Variants in EDNRB observed in about 807,000 individuals in gnomAD.
EDNRB encodes endothelin receptor type B, also known as Hirschsprung disease 2.
Under a neutral mutation model 46.4 loss-of-function variants are expected in EDNRB, and 18 were observed. That is an observed-to-expected ratio of 0.39 (90% CI 0.27 to 0.57). The LOEUF is 0.57. Ranked by LOEUF, EDNRB falls within the 20% of genes least tolerant of loss-of-function variation. EDNRB has a pLI of 0.61. For missense variants in EDNRB, 434 were observed against 537.5 expected (o/e 0.81, Z 1.90); for synonymous variants, 213 against 204.9 (o/e 1.04, Z -0.34).
At chr13:77,972,758 A>G (rs899121203) in intron 1 of EDNRB, among the ~76,000 whole-genome samples, 1 of 152,244 alleles carries the variant, frequency 6.6e-6, no homozygotes, top group Non-Finnish European at 1.5e-5. Context: ...ATGGTCCGCA[A>G]TAGAATGAGG....
chr13:77,904,374 T>C (rs563928269), intron 1 of EDNRB, among the ~76,000 whole-genome samples: 1 of 152,118 alleles, frequency 6.6e-6, no homozygotes. Context: ...TCCTGTGGCA[T>C]AACACATTAA....
intron 1 of EDNRB, among the ~76,000 whole-genome samples, chr13:77,917,888 T>C (rs1879888279): frequency 6.6e-6 from 1 of 152,196 alleles, no homozygotes; most frequent in Non-Finnish European, 1.5e-5. Flanking sequence ...AAGACCTGAA[T>C]GGAATTTTAT....
rs185147340 is a variant in EDNRB, at chr13:77,973,424, A to G, written c.-52+1923T>C. 1.5e-4 allele frequency among the ~76,000 whole-genome samples: 23 copies of G among 152,228 alleles called. No homozygotes were observed. In the East Asian group the frequency reaches 4.2e-3, roughly 28 times the overall value. On this transcript the variant is annotated intron_variant, in intron 1 of 7. Transcript: ENST00000646948. The stretch of plus-strand genomic sequence containing the variant: ...TTTTTAACATTTTATAATTTTTGCT[A>G]AAGAGCAGGTTGGTACTTCAAGAAA...
chr13:77,909,271 T>G (rs1009290020), intron 1 of EDNRB, among the ~76,000 whole-genome samples: 1 of 152,036 alleles, frequency 6.6e-6, no homozygotes, highest in Non-Finnish European at 1.5e-5. Context: ...ATAAAGTCAT[T>G]TTGATATTAT....
chr13:77,929,164 A>G (rs1342262980), intron 1 of EDNRB, among the ~76,000 whole-genome samples: 1 of 152,204 alleles, frequency 6.6e-6, no homozygotes, highest in Non-Finnish European at 1.5e-5. Context: ...AAAGGTCTCA[A>G]TTGTGTGACA....
chr13:77,945,197 T>A (rs117204143), intron 1 of EDNRB, among the ~76,000 whole-genome samples: 2,209 of 152,314 alleles, frequency 0.015, 46 homozygotes, highest in East Asian at 0.024. Flanking sequence ...GTTTTGGTAC[T>A]GCTGATTTTA....
upstream of EDNRB, among the ~76,000 whole-genome samples, chr13:77,920,436 C>T (rs1880047799): frequency 6.6e-6 from 1 of 152,176 alleles, no homozygotes; most frequent in South Asian, 2.1e-4. Flanking sequence ...CCTACTGGAT[C>T]TGTGGAACTT....
At chr13:77,974,586 C>T (rs527645246) in intron 1 of EDNRB, among the ~76,000 whole-genome samples, 6 of 145,702 alleles carry the variant, frequency 4.1e-5, no homozygotes, top group East Asian at 4.0e-4. Flanking sequence ...CTCTGTCTTT[C>T]TCTTCTCTGT....
At position 77,918,396 on chromosome 13, in the gene EDNRB, C is replaced by T. The variant is rs142569954; in HGVS notation, c.178G>A (p.Ala60Thr). Residue 60 changes from alanine to threonine, a missense_variant, in exon 1 of 7, where the codon GCC (alanine) becomes ACC (threonine). Physicochemically the swap from Ala to Thr is moderately conservative, Grantham distance 58. Coordinates refer to ENST00000646607, the MANE Select transcript of EDNRB (RefSeq NM_001122659.3). The surrounding 1 kb of genome is among the most constrained non-coding windows in gnomAD (Gnocchi z 4.5). ...GGTGCCAACGACCGCGCCAGACTGGCGTTGGAACCCTTGGGCCATAAGGTC... is the reference window on the plus strand; with the variant it reads ...GGTGCCAACGACCGCGCCAGACTGGTGTTGGAACCCTTGGGCCATAAGGTC... ...TKTLWPKGSN[A>T]SLARSLAPAE... is the part of the protein sequence containing the mutation. 41 of 1,600,666 alleles carry T rather than the reference C, an allele frequency of 2.6e-5. No homozygotes were observed. The highest frequency in any genetic ancestry group is 2.1e-4 in the African/African-American group (16 of 74,488).
chr13:77,929,788 T>C (rs1594380543), intron 1 of EDNRB, among the ~76,000 whole-genome samples: 1 of 152,208 alleles, frequency 6.6e-6, no homozygotes, highest in East Asian at 1.9e-4. Flanking sequence ...AGAAGCCTTA[T>C]GCAAATCATT....
In EDNRB at chr13:77,931,744, C is replaced by CAAAAAAAAAA. The variant is rs67176737; in HGVS notation, c.-51-13130_-51-13121dup. 9.6e-4 allele frequency among the ~76,000 whole-genome samples: 80 copies of CAAAAAAAAAA among 83,360 alleles called. 1 individual carries two copies. Among genetic ancestry groups the CAAAAAAAAAA allele is most frequent in the African/African-American group, 1.2e-3 (26 of 21,130 alleles). The allele number at this position is 83,360 out of a possible 152,430, so 54.7% of individuals were successfully genotyped here. On this transcript the variant is annotated intron_variant, in intron 1 of 7. Transcript: ENST00000646948. Reference sequence around the variant, plus strand: ...CCTTAGCATTGAAATACTGTAGTAGCAAAAAAAAAAAAAAAACAAAAAAAA... The same window carrying CAAAAAAAAAA: ...CCTTAGCATTGAAATACTGTAGTAGCAAAAAAAAAAAAAAAAAAAAAAAAAACAAAAAAAA...
chr13:77,961,998 A>C (rs532819850), intron 1 of EDNRB, among the ~76,000 whole-genome samples: 67 of 152,304 alleles, frequency 4.4e-4, no homozygotes, highest in African/African-American at 1.5e-3. Flanking sequence ...AATACTATAA[A>C]CACCTCTACG....
intron 2 of EDNRB, 34 bp downstream of exon 2, chr13:77,903,461 T>G: frequency 6.2e-7 from 1 of 1,610,608 alleles, no homozygotes; most frequent in Non-Finnish European, 8.5e-7. Context: ...TAGTATATAT[T>G]CAGAATATAC....
rs1227307002 is a variant in EDNRB, at chr13:77,897,274, A to G, written c.*926T>C. On this transcript the variant is annotated 3_prime_UTR_variant, in exon 7 of 7. Coordinates refer to ENST00000646607, the MANE Select transcript of EDNRB (RefSeq NM_001122659.3). ...ATGTAGGTAAGTATTTACAGATGAC[A>G]AAACCAAACAGAGTTTAAGCTACGA... 5 of 985,138 alleles carry G rather than the reference A, an allele frequency of 5.1e-6. No individual in the cohort carries two copies. Among genetic ancestry groups the G allele is most frequent in the Non-Finnish European group, 6.0e-6 (5 of 829,878 alleles). The allele number at this position is 985,138 out of a possible 1,614,324, so 61.0% of individuals were successfully genotyped here.
chr13:77,897,381 A>G lies in EDNRB; in HGVS notation c.*819T>C. The G allele has an allele frequency of 1.0e-6, 1 of 985,310 alleles. No homozygotes were observed. The highest frequency in any genetic ancestry group is 1.7e-5 in the African/African-American group (1 of 57,364). The allele number at this position is 985,310 out of a possible 1,614,324, so 61.0% of individuals were successfully genotyped here. A position where few individuals can be genotyped will look rare whatever the true frequency, so the allele number is the denominator to read the frequency against. On this transcript the variant is annotated 3_prime_UTR_variant, in exon 7 of 7. Transcript: ENST00000646607. ...ACAGGGTATGTGAATGACAGATTCAAAAAAGTCTTTTGGGATAGCCTTTCA... is the reference window on the plus strand; with the variant it reads ...ACAGGGTATGTGAATGACAGATTCAGAAAAGTCTTTTGGGATAGCCTTTCA...
At chr13:77,957,573 C>G (rs1360315380) in intron 1 of EDNRB, among the ~76,000 whole-genome samples, 1 of 152,126 alleles carries the variant, frequency 6.6e-6, no homozygotes, top group Non-Finnish European at 1.5e-5. Flanking sequence ...ACAATAATAC[C>G]TATCCTAGAA....
rs1244692402 is a variant in EDNRB, at chr13:77,909,037, T to C, written c.484-5430A>G. Among the ~76,000 whole-genome samples, 4 of 152,106 alleles carry C rather than the reference T, an allele frequency of 2.6e-5. No homozygotes were observed. In the East Asian group the frequency reaches 5.8e-4, roughly 22 times the overall value. ...ATCCATTTGACAAAATGATAGCCTATGTTTGTGCTGACCCATTTTACCCTA... is the reference window on the plus strand; with the variant it reads ...ATCCATTTGACAAAATGATAGCCTACGTTTGTGCTGACCCATTTTACCCTA... On this transcript the variant is annotated intron_variant, in intron 1 of 6. Transcript: ENST00000646607.
intron 1 of EDNRB, among the ~76,000 whole-genome samples, chr13:77,945,901 A>AAAAAAAAAAAAAAAAAAAAAC (rs1391892820): frequency 6.6e-6 from 1 of 150,710 alleles, no homozygotes; most frequent in Non-Finnish European, 1.5e-5. Flanking sequence ...AAACAAAAAA[A>AAAAAAAAAAAAAAAAAAAAAC]ACACACAATC....
At position 77,896,349 on chromosome 13, in the gene EDNRB, T is replaced by G. The variant is rs1259618523; in HGVS notation, c.*1851A>C. On this transcript the variant is annotated 3_prime_UTR_variant, in exon 7 of 7. Coordinates refer to ENST00000646607, the MANE Select transcript of EDNRB (RefSeq NM_001122659.3). ...TTAAAATTGAGAGTCTAAAATGACT[T>G]CTATGATAACAGGCCTCTGAAAAAG... 1.5e-6 allele frequency: 2 copies of G among 1,343,806 alleles called. No individual in the cohort carries two copies. Among genetic ancestry groups the G allele is most frequent in the African/African-American group, 3.1e-5 (2 of 64,964 alleles). The allele number at this position is 1,343,806 out of a possible 1,614,324, so 83.2% of individuals were successfully genotyped here.
Sources: gnomAD v4.1 joint callset for allele counts (sites outside exome capture counted in the v4.1 genomes callset) on GRCh38, gnomAD v4.1.1 for gene constraint, Gnocchi (gnomAD v3.1) non-coding constraint, MANE v1.5 for transcripts, NCBI Gene and HGNC (gene_info 2026-07-23, HGNC 2026-07-21) for gene names.